The following AASDHPPT variants were observed in gnomAD, a reference collection of about 807,000 sequenced individuals.
The protein encoded by AASDHPPT is aminoadipate-semialdehyde dehydrogenase-phosphopantetheinyl transferase, also known as L-aminoadipate-semialdehyde dehydrogenase-phosphopantetheinyl transferase.
AASDHPPT carries 23 observed loss-of-function variants against 36.4 expected under a neutral mutation model. The observed-to-expected ratio is 0.63, with a 90% CI of 0.45 to 0.89. AASDHPPT has a LOEUF of 0.89. Among genes scored for constraint, AASDHPPT ranks in the 40% least tolerant of loss-of-function variants. The pLI, the probability that AASDHPPT is intolerant of heterozygous loss-of-function variation, is 0.00. For missense variants in AASDHPPT, 377 were observed against 378.2 expected (o/e 1.00, Z 0.03); for synonymous variants, 115 against 128.0 (o/e 0.90, Z 0.68).
At position 106,090,619 on chromosome 11, in the gene AASDHPPT, G is replaced by A. The variant is rs199912486; in HGVS notation, c.472G>A (p.Glu158Lys). Reference sequence around the variant, plus strand: ...AAGAAAGTTTACCAACAAAGAATGGGAAACAATCAGAAGCTTTAAGGATGA... The same window carrying A: ...AAGAAAGTTTACCAACAAAGAATGGAAAACAATCAGAAGCTTTAAGGATGA... ...MKRKFTNKEWETIRSFKDEWT... is the reference protein window; with the variant it reads ...MKRKFTNKEWKTIRSFKDEWT... The change falls in exon 3 of 6, where the codon GAA becomes AAA. Residue 158 changes from glutamate to lysine, a missense_variant. Coordinates refer to ENST00000278618, the MANE Select transcript of AASDHPPT (RefSeq NM_015423.3). 1.6e-4 allele frequency: 251 copies of A among 1,602,092 alleles called. No homozygotes were observed. In the Admixed American group the frequency reaches 4.3e-3, roughly 27 times the overall value.
In AASDHPPT at chr11:106,079,580, G is replaced by A. The variant is rs1861110936; in HGVS notation, c.297G>A (p.Ser99=). 2.5e-6 allele frequency: 4 copies of A among 1,614,116 alleles called. No individual in the cohort carries two copies. The highest frequency in any genetic ancestry group is 1.3e-5 in the African/African-American group (1 of 75,036). The change falls in exon 2 of 6, where the codon TCG becomes TCA. Residue 99 remains serine, a synonymous_variant. Transcript: ENST00000278618. The stretch of plus-strand genomic sequence containing the variant: ...AACCAGTTCTTGCAAAGGACTCATC[G>A]AATCCTTACCCGAATTTCAACTTTA... ...KGKPVLAKDS[S]NPYPNFNFNI... is the part of the protein sequence containing the mutation.
At position 106,096,762 on chromosome 11, in the gene AASDHPPT, C is replaced by T. The variant is rs760282634; in HGVS notation, c.785C>T (p.Ser262Phe). 1.2e-6 allele frequency: 2 copies of T among 1,602,128 alleles called. No individual in the cohort carries two copies. Among genetic ancestry groups the T allele is most frequent in the Non-Finnish European group, 8.5e-7 (1 of 1,175,892 alleles). The change falls in exon 6 of 6, where the codon TCC becomes TTC. Residue 262 changes from serine (S) to phenylalanine (F), a missense_variant. Ser to Phe is a radical substitution (Grantham distance 155, BLOSUM62 -2). Transcript: ENST00000278618. ...RHQDVPSQDDSKPTQRQFTIL... is the reference protein window; with the variant it reads ...RHQDVPSQDDFKPTQRQFTIL... The stretch of plus-strand genomic sequence containing the variant: ...TTTTAGGTTCCATCTCAGGATGATT[C>T]CAAACCAACCCAGAGGCAATTTACT...
chr11:106,091,262 A>C, intron 3 of AASDHPPT, 54 bp from the exon 4 acceptor site: 1 of 1,504,498 alleles, frequency 6.6e-7, no homozygotes. Context: ...TGTAGATTCT[A>C]TGAAAAATTT....
intron 2 of AASDHPPT, among the ~76,000 whole-genome samples, chr11:106,083,299 T>C (rs1307310428): frequency 6.6e-6 from 1 of 152,248 alleles, no homozygotes; most frequent in African/African-American, 2.4e-5. Flanking sequence ...GTAAGACTAG[T>C]GCGTAAGTAC....
In AASDHPPT at chr11:106,091,002, C is replaced by T. The variant is rs574643033; in HGVS notation, c.532-314C>T. 5.6e-4 allele frequency among the ~76,000 whole-genome samples: 85 copies of T among 151,958 alleles called. 1 individual carries two copies. Among genetic ancestry groups the T allele is most frequent in the Non-Finnish European group, 4.4e-4 (30 of 67,944 alleles). On this transcript the variant is annotated intron_variant, in intron 3 of 5. Transcript: ENST00000278618. ...ATATAACAAACACTGATAATATATA[C>T]TACATGCCAGAAGACATTACTTCAA...
intron 2 of AASDHPPT, among the ~76,000 whole-genome samples, chr11:106,081,896 C>T (rs536677879): frequency 5.3e-5 from 8 of 151,962 alleles, no homozygotes; most frequent in African/African-American, 9.6e-5. Flanking sequence ...TTAGGAGATA[C>T]ACCTAATGCT....
intron 1 of AASDHPPT, among the ~76,000 whole-genome samples, 160 bp downstream of exon 1, chr11:106,078,053 G>A (rs1301807813): frequency 6.6e-6 from 1 of 152,200 alleles, no homozygotes; most frequent in Non-Finnish European, 1.5e-5. Context: ...GGAGTTGTGG[G>A]CGACGCACGG....
At chr11:106,086,226 T>G (rs1297814694) in intron 2 of AASDHPPT, 3 of 152,290 alleles carry the variant, frequency 2.0e-5, no homozygotes, top group African/African-American at 7.2e-5. Flanking sequence ...CCATGGTCTC[T>G]CTGAAGGTTC....
chr11:106,090,750 T>G, intron 3 of AASDHPPT, 72 bp downstream of exon 3: 5 of 1,535,286 alleles, frequency 3.3e-6, no homozygotes, highest in Non-Finnish European at 4.4e-6. Flanking sequence ...ATCAGAGTCC[T>G]TGGTTACCCA....
chr11:106,085,208 TCTC>T (rs1398937008), intron 2 of AASDHPPT, among the ~76,000 whole-genome samples: 1 of 152,090 alleles, frequency 6.6e-6, no homozygotes. Flanking sequence ...TTCACACCAT[TCTC>T]CTGCCTCAGC....
chr11:106,079,157 T>G (rs1349292348), intron 1 of AASDHPPT, among the ~76,000 whole-genome samples: 1 of 152,228 alleles, frequency 6.6e-6, no homozygotes, highest in Non-Finnish European at 1.5e-5. Flanking sequence ...TATAATCTCA[T>G]GTTTGTGTTT....
In AASDHPPT at chr11:106,084,804, G is replaced by A. The variant is rs184288952; in HGVS notation, c.409+5112G>A. Among the ~76,000 whole-genome samples the A allele has an allele frequency of 3.4e-3, 513 of 151,684 alleles. 1 individual carries two copies. The highest frequency in any genetic ancestry group is 0.012 in the African/African-American group (498 of 41,378). On this transcript the variant is annotated intron_variant, in intron 2 of 5. Coordinates refer to ENST00000278618, the MANE Select transcript of AASDHPPT (RefSeq NM_015423.3). ...GCCACCTGGTATTTTTAGTAGAGAC[G>A]GAGTTTCACCACGTTGGCCAGGCTG...
Position 106,090,657 on chromosome 11 carries a change from G to A in AASDHPPT, c.510G>A (p.Leu170=), listed in dbSNP as rs751871555. 3 of 1,589,990 alleles carry A rather than the reference G, an allele frequency of 1.9e-6. No individual in the cohort carries two copies. The highest frequency in any genetic ancestry group is 2.6e-6 in the Non-Finnish European group (3 of 1,169,672). Residue 170 remains leucine, a synonymous_variant, in exon 3 of 6, where the codon CTG becomes CTA. Coordinates refer to ENST00000278618, the MANE Select transcript of AASDHPPT (RefSeq NM_015423.3). ...GCTTTAAGGATGAGTGGACTCAGCT[G>A]GATATGTTTTATAGGAATTGGGTAT... ...IRSFKDEWTQ[L]DMFYRNWALK... is the part of the protein sequence containing the mutation.
chr11:106,094,692 G>A, intron 5 of AASDHPPT, 38 bp downstream of exon 5: 1 of 1,484,924 alleles, frequency 6.7e-7, no homozygotes, highest in Middle Eastern at 1.8e-4. Context: ...TAAATAGCAT[G>A]AATCAATGTT....
At chr11:106,079,365 A>G (rs539355704) in intron 1 of AASDHPPT, 102 bp from the exon 2 acceptor site, 1 of 1,023,224 alleles carries the variant, frequency 9.8e-7, no homozygotes, top group East Asian at 2.7e-5. Context: ...AAAAGTTTTA[A>G]AAATGAAAAT....
rs1321109082 is a variant in AASDHPPT, at chr11:106,094,554, TC to T, written c.694-28del. The stretch of plus-strand genomic sequence containing the variant: ...ACATCTAGGTTTACATATTTTATAA[TC>T]TATATTTATTTACCTTTTATCTTTC... On this transcript the variant is annotated intron_variant, in intron 4 of 5. Coordinates refer to ENST00000278618, the MANE Select transcript of AASDHPPT (RefSeq NM_015423.3). 5 of 1,512,446 alleles carry T rather than the reference TC, an allele frequency of 3.3e-6. No individual in the cohort carries two copies. The African/African-American group carries it at 5.7e-5, about 17-fold the overall frequency. 93.7% of individuals were successfully genotyped at this position (1,512,446 alleles called of 1,614,324 possible).
At position 106,094,649 on chromosome 11, in the gene AASDHPPT, C is replaced by T; in HGVS notation, c.760C>T (p.Gln254Ter). Reference sequence around the variant, plus strand: ...TAGGAAACCCGATGGATCTAGACATCAGGATGTAAGATTTTAGGATTTCTC... The same window carrying T: ...TAGGAAACCCGATGGATCTAGACATTAGGATGTAAGATTTTAGGATTTCTC... Reference protein sequence around the residue: ...ALRKPDGSRHQDVPSQDDSKP... With the variant: ...ALRKPDGSRH Residue 254 changes from glutamine to a stop codon, truncating the protein, a stop_gained, in exon 5 of 6, where the codon CAG becomes TAG. Transcript: ENST00000278618. LOFTEE classifies it high-confidence loss of function. 6.3e-7 allele frequency: 1 copy of T among 1,596,942 alleles called. No individual in the cohort carries two copies. Among genetic ancestry groups the T allele is most frequent in the African/African-American group, 1.3e-5 (1 of 74,200 alleles).
intron 5 of AASDHPPT, among the ~76,000 whole-genome samples, chr11:106,095,112 G>A (rs546552622): frequency 2.0e-5 from 3 of 151,998 alleles, no homozygotes; most frequent in East Asian, 1.9e-4. Flanking sequence ...GGAAACAAGC[G>A]AAACTCCGTC....
intron 2 of AASDHPPT, among the ~76,000 whole-genome samples, chr11:106,088,910 T>C (rs1861226999): frequency 6.6e-6 from 1 of 152,096 alleles, no homozygotes; most frequent in Admixed American, 6.6e-5. Context: ...CCTGATGAAC[T>C]AAGAGGAGAC....
Sources: allele counts gnomAD v4.1 joint callset (sites outside exome capture counted in the v4.1 genomes callset), GRCh38; gene constraint gnomAD v4.1.1; transcripts MANE v1.5; gene names NCBI Gene and HGNC (gene_info 2026-07-23, HGNC 2026-07-21).